Variants in KMT2B observed in about 807,000 individuals in gnomAD.
KMT2B encodes the protein histone-lysine N-methyltransferase 2B.
A neutral mutation model predicts 255.3 loss-of-function variants in KMT2B; 22 were observed. The observed-to-expected ratio is 0.09, with a 90% CI of 0.06 to 0.12. KMT2B has a LOEUF of 0.12. KMT2B is among the 10% of genes least tolerant of loss of function. The probability of loss-of-function intolerance (pLI) is 1.00; values close to 1 mark genes in which losing one functional copy is unlikely to be tolerated. For missense variants in KMT2B, 3,149 were observed against 3,737.0 expected (o/e 0.84, Z 4.10); for synonymous variants, 1,730 against 1,498.1 (o/e 1.15, Z -3.57).
chr19:35,718,128 G>T lies in KMT2B; in HGVS notation c.110G>T (p.Gly37Val). The stretch of plus-strand genomic sequence containing the variant: ...GGGGGCGGGGGCCGCGGCGGACGGG[G>T]CAACGGGGCCGAAAGAGTGCGGGTA... ...AGGGGGRGGR[G>V]NGAERVRVAL... The change falls in exon 1 of 37, where the codon GGC becomes GTC. Residue 37 changes from glycine to valine, a missense_variant. Around this residue, in one of 18 missense-constraint regions of KMT2B, gnomAD observed 1,188 missense variants for 1,106.4 expected, o/e 1.07. Coordinates refer to ENST00000420124, the MANE Select transcript of KMT2B (RefSeq NM_014727.3). This position sits in a 1 kb window ranked among gnomAD's most constrained non-coding sequence, Gnocchi z 5.0. 9.8e-7 allele frequency: 1 copy of T among 1,020,728 alleles called. No homozygotes were observed. The highest frequency in any genetic ancestry group is 1.2e-6 in the Non-Finnish European group (1 of 854,616). 63.2% of individuals were successfully genotyped at this position (1,020,728 alleles called of 1,614,324 possible). A position where few individuals can be genotyped will look rare whatever the true frequency, so the allele number is the denominator to read the frequency against.
rs767059945 is a variant in KMT2B, at chr19:35,723,029, G to A, written c.2757G>A (p.Pro919=). The change falls in exon 6 of 37, where the codon CCG becomes CCA. Residue 919 remains proline, a synonymous_variant. Transcript: ENST00000420124. This position sits in a 1 kb window ranked among gnomAD's most constrained non-coding sequence, Gnocchi z 7.5. ...TSSASETESV[P]SRSRRGKVEA... ...CGGCGTCCGAGACTGAGAGTGTCCC[G>A]TCACGGTCCCGGCGGGGAAAGGTGG... The A allele has an allele frequency of 1.9e-5, 31 of 1,610,690 alleles. No homozygotes were observed. The highest frequency in any genetic ancestry group is 2.3e-5 in the Non-Finnish European group (27 of 1,178,310).
Position 35,733,455 on chromosome 19 carries a change from A to C in KMT2B, c.6906A>C (p.Glu2302Asp). 1 of 1,561,276 alleles carries C rather than the reference A, an allele frequency of 6.4e-7. No individual in the cohort carries two copies. The highest frequency in any genetic ancestry group is 8.7e-7 in the Non-Finnish European group (1 of 1,153,054). Residue 2302 changes from glutamate (E) to aspartate (D), a missense_variant, in exon 28 of 37, where the codon GAA becomes GAC. Glu to Asp is a conservative substitution (Grantham distance 45, BLOSUM62 2). Around this residue, in one of 18 missense-constraint regions of KMT2B, gnomAD observed 897 missense variants for 825.3 expected, o/e 1.09. Coordinates refer to ENST00000420124, the MANE Select transcript of KMT2B (RefSeq NM_014727.3). The surrounding 1 kb of genome is among the most constrained non-coding windows in gnomAD (Gnocchi z 4.3). ...CATACAAAGCCCCCCGGCTGGATGA[A>C]GATGGAGAGGCCTCAGAGGATACCC... ...PPPYKAPRLD[E>D]DGEASEDTPQ...
rs1336846100 is a variant in KMT2B, at chr19:35,727,851, G to A, written c.4393-30G>A. On this transcript the variant is annotated intron_variant, in intron 17 of 36. Coordinates refer to ENST00000420124, the MANE Select transcript of KMT2B (RefSeq NM_014727.3). The surrounding 1 kb of genome is among the most constrained non-coding windows in gnomAD (Gnocchi z 4.2). ...GGAGAGGGCTGGAATTGTGCAGAGG[G>A]GACTCAGTCTCTGACAAACCCCCTT... 2 of 1,611,856 alleles carry A rather than the reference G, an allele frequency of 1.2e-6. No individual in the cohort carries two copies. Among genetic ancestry groups the A allele is most frequent in the Admixed American group, 1.7e-5 (1 of 59,944 alleles).
At position 35,723,303 on chromosome 19, in the gene KMT2B, C is replaced by T. The variant is rs758126795; in HGVS notation, c.3002+29C>T. 1.1e-5 allele frequency: 18 copies of T among 1,600,084 alleles called. No homozygotes were observed. In the East Asian group the frequency reaches 2.2e-4, roughly 20 times the overall value. On this transcript the variant is annotated intron_variant, in intron 6 of 36. Coordinates refer to ENST00000420124, the MANE Select transcript of KMT2B (RefSeq NM_014727.3). This position sits in a 1 kb window ranked among gnomAD's most constrained non-coding sequence, Gnocchi z 7.5. The stretch of plus-strand genomic sequence containing the variant: ...AGTAGCTGGGGCGTGACCTCATTCC[C>T]GTGGTTGTTGGTCCCCTAGGCTTCC...
intron 14 of KMT2B, among the ~76,000 whole-genome samples, chr19:35,726,935 G>T (rs1018199220): frequency 7.1e-6 from 1 of 141,738 alleles, no homozygotes; most frequent in Non-Finnish European, 1.5e-5. Flanking sequence ...AGTGAGCGGA[G>T]ATCTTGCCAC....
chr19:35,724,024 G>T lies in KMT2B; in HGVS notation c.3334+17G>T. On this transcript the variant is annotated intron_variant, in intron 8 of 36. Coordinates refer to ENST00000420124, the MANE Select transcript of KMT2B (RefSeq NM_014727.3). ...GAGAAAATGGTGCGAACTGCTTAAT[G>T]CTTTCTCTGTTGATCATTTATTTGG... The T allele has an allele frequency of 1.3e-6, 2 of 1,560,368 alleles. No homozygotes were observed. The highest frequency in any genetic ancestry group is 1.7e-6 in the Non-Finnish European group (2 of 1,152,406).
chr19:35,736,617 G>GA (rs1969927106), intron 30 of KMT2B, 73 bp from the exon 31 acceptor site: 1 of 1,568,352 alleles, frequency 6.4e-7, no homozygotes, highest in Admixed American at 1.8e-5. Flanking sequence ...TGTCTGCTGG[G>GA]AGCACAGCGG....
Position 35,731,932 on chromosome 19 carries a change from C to A in KMT2B, c.5462C>A (p.Pro1821Gln), listed in dbSNP as rs748336996. The A allele has an allele frequency of 1.7e-5, 27 of 1,613,710 alleles. No homozygotes were observed. The East Asian group carries it at 1.8e-4, about 11-fold the overall frequency. ...SSEPPGGEDP[P>Q]LDTDVLVPGA... ...GAGCCCCCAGGTGGTGAGGACCCCC[C>A]ACTGGACACAGATGTTCTTGTCCCT... Residue 1821 changes from proline (P) to glutamine (Q), a missense_variant, in exon 27 of 37, where the codon CCA becomes CAA. Physicochemically the swap from Pro to Gln is moderately conservative, Grantham distance 76. Around this residue, in one of 18 missense-constraint regions of KMT2B, gnomAD observed 897 missense variants for 825.3 expected, o/e 1.09. Coordinates refer to ENST00000420124, the MANE Select transcript of KMT2B (RefSeq NM_014727.3).
intron 1 of KMT2B, among the ~76,000 whole-genome samples, chr19:35,719,025 G>A (rs1358501237): frequency 6.6e-6 from 1 of 152,162 alleles, no homozygotes; most frequent in Admixed American, 6.5e-5. Context: ...AGTGGAGCCT[G>A]TACGAAAGCC....
intron 26 of KMT2B, among the ~76,000 whole-genome samples, chr19:35,731,332 AG>A (rs1422289897): frequency 1.3e-5 from 2 of 152,226 alleles, no homozygotes; most frequent in African/African-American, 4.8e-5. Flanking sequence ...CACAGGGCAA[AG>A]AATGGGCTTG....
In KMT2B at chr19:35,728,825, G is replaced by A. The variant is rs377174050; in HGVS notation, c.4623G>A (p.Ala1541=). The change falls in exon 20 of 37, where the codon GCG becomes GCA. Residue 1541 remains alanine (A), a synonymous_variant. Coordinates refer to ENST00000420124, the MANE Select transcript of KMT2B (RefSeq NM_014727.3). ...CCCCATCCCTGGATCATGTCTATGC[G>A]CAGTGGAGACAGCAGGAACCAGAGA... ...VLPPSLDHVY[A]QWRQQEPETP... is the part of the protein sequence containing the mutation. 2.0e-5 allele frequency: 32 copies of A among 1,613,924 alleles called. No individual in the cohort carries two copies. The highest frequency in any genetic ancestry group is 1.2e-4 in the African/African-American group (9 of 75,008).
Position 35,725,942 on chromosome 19 carries a change from T to A in KMT2B, c.3885+124T>A. On this transcript the variant is annotated intron_variant, in intron 13 of 36. Transcript: ENST00000420124. This position sits in a 1 kb window ranked among gnomAD's most constrained non-coding sequence, Gnocchi z 4.1. ...GGGGATCCTCTTAAGAATTGATTAGTAATGTTTCCTCTTCAAAAATTTCAC... is the reference window on the plus strand; with the variant it reads ...GGGGATCCTCTTAAGAATTGATTAGAAATGTTTCCTCTTCAAAAATTTCAC... The A allele has an allele frequency of 1.2e-6, 1 of 807,730 alleles. No homozygotes were observed. The highest frequency in any genetic ancestry group is 1.6e-5 in the South Asian group (1 of 61,014). The allele number at this position is 807,730 out of a possible 1,614,324, so 50.0% of individuals were successfully genotyped here. A position where few individuals can be genotyped will look rare whatever the true frequency, so the allele number is the denominator to read the frequency against.
At chr19:35,734,820 A>G (rs1969856273) in intron 30 of KMT2B, among the ~76,000 whole-genome samples, 1 of 152,122 alleles carries the variant, frequency 6.6e-6, no homozygotes, top group African/African-American at 2.4e-5. Context: ...TGGTGGCCCA[A>G]TCCTGTCCAG....
At position 35,730,840 on chromosome 19, in the gene KMT2B, A is replaced by G; in HGVS notation, c.5410A>G (p.Ile1804Val). Reference protein sequence around the residue: ...HLEAAEENQTIVHSPAPSSEP... With the variant: ...HLEAAEENQTVVHSPAPSSEP... ...GGAGGCTGCAGAGGAGAACCAGACCATTGTGCACAGCCCCGCCCCTTCCTC... is the reference window on the plus strand; with the variant it reads ...GGAGGCTGCAGAGGAGAACCAGACCGTTGTGCACAGCCCCGCCCCTTCCTC... Residue 1804 changes from isoleucine to valine, a missense_variant, in exon 26 of 37, where the codon ATT (isoleucine) becomes GTT (valine). Coordinates refer to ENST00000420124, the MANE Select transcript of KMT2B (RefSeq NM_014727.3). 1 of 1,611,812 alleles carries G rather than the reference A, an allele frequency of 6.2e-7. No individual in the cohort carries two copies. The highest frequency in any genetic ancestry group is 8.5e-7 in the Non-Finnish European group (1 of 1,179,088).
Position 35,725,755 on chromosome 19 carries a change from A to C in KMT2B, c.3822A>C (p.Ala1274=). The C allele has an allele frequency of 6.2e-7, 1 of 1,604,854 alleles. No homozygotes were observed. Among genetic ancestry groups the C allele is most frequent in the Non-Finnish European group, 8.5e-7 (1 of 1,175,954 alleles). The change falls in exon 13 of 37, where the codon GCA becomes GCC. Residue 1274 remains alanine (A), a synonymous_variant. Coordinates refer to ENST00000420124, the MANE Select transcript of KMT2B (RefSeq NM_014727.3). This position sits in a 1 kb window ranked among gnomAD's most constrained non-coding sequence, Gnocchi z 4.1. ...TGGAGTGCGAGCGCTGCCGCCATGC[A>C]TACCACCCGGCCTGTCTGGGGCCCA... The part of the protein sequence containing the change: ...HLLECERCRH[A]YHPACLGPSY...
chr19:35,738,560 C>T lies in KMT2B; in HGVS notation c.*3C>T. On this transcript the variant is annotated 3_prime_UTR_variant, in exon 37 of 37. Transcript: ENST00000420124. This position sits in a 1 kb window ranked among gnomAD's most constrained non-coding sequence, Gnocchi z 8.7. ...GCTGCCGTCGGTTCCTTAACTGAGG[C>T]CGTGGCTGCCCACCACGACCCCTCA... The T allele has an allele frequency of 1.9e-6, 3 of 1,609,654 alleles. No homozygotes were observed. In the South Asian group the frequency reaches 3.3e-5, roughly 18 times the overall value.
chr19:35,731,815 G>A (rs946212297), intron 26 of KMT2B, 93 bp from the exon 27 acceptor site: 8 of 970,092 alleles, frequency 8.2e-6, no homozygotes, highest in African/African-American at 1.6e-5. Context: ...CAGGGTCGGG[G>A]ACCTGGGAGG....
rs1255808300 is a variant in KMT2B at position 35,737,044 on chromosome 19, G to A, written c.7373-42G>A. The A allele has an allele frequency of 4.4e-6, 7 of 1,609,084 alleles. No individual in the cohort carries two copies. The highest frequency in any genetic ancestry group is 5.9e-6 in the Non-Finnish European group (7 of 1,177,148). On this transcript the variant is annotated intron_variant, in intron 32 of 36. Transcript: ENST00000420124. This position sits in a 1 kb window ranked among gnomAD's most constrained non-coding sequence, Gnocchi z 5.3. ...TGGATGTCTCCCCGAGGGCACCATG[G>A]GCCCTCCACATGACAGGTGTGTCCT...
Position 35,725,119 on chromosome 19 carries a change from C to G in KMT2B, c.3528+32C>G, listed in dbSNP as rs781276500. The G allele has an allele frequency of 1.9e-6, 3 of 1,591,622 alleles. No homozygotes were observed. Among genetic ancestry groups the G allele is most frequent in the Admixed American group, 3.3e-5 (2 of 59,960 alleles). On this transcript the variant is annotated intron_variant, in intron 10 of 36. Transcript: ENST00000420124. The surrounding 1 kb of genome is among the most constrained non-coding windows in gnomAD (Gnocchi z 4.1). ...CATTGAGTGGGGCGAGTCACAGAGC[C>G]TCTGGTTGGAAGAACCTCGATGACT...
Sources: gnomAD v4.1 joint callset for allele counts (sites outside exome capture counted in the v4.1 genomes callset) on GRCh38, gnomAD v4.1.1 for gene constraint, gnomAD v4.1.1 regional missense constraint, Gnocchi (gnomAD v3.1) non-coding constraint, MANE v1.5 for transcripts, NCBI Gene and HGNC (gene_info 2026-07-23, HGNC 2026-07-21) for gene names.